The following DCC variants were observed in gnomAD, a reference collection of about 807,000 sequenced individuals.
DCC encodes the protein DCC netrin 1 receptor.
Under a neutral mutation model 172.5 loss-of-function variants are expected in DCC, and 58 were observed. That is an observed-to-expected ratio of 0.34 (90% CI 0.27 to 0.42). The LOEUF is 0.42. Ranked by LOEUF, DCC falls within the 10% of genes least tolerant of loss-of-function variation. The pLI is 1.00. For missense variants in DCC, 1,740 were observed against 1,791.0 expected (o/e 0.97, Z 0.51); for synonymous variants, 709 against 644.5 (o/e 1.10, Z -1.52).
intron 7 of DCC, among the ~76,000 whole-genome samples, chr18:53,148,275 G>A (rs1192424458): frequency 6.6e-6 from 1 of 152,122 alleles, no homozygotes; most frequent in Non-Finnish European, 1.5e-5. Context: ...CTGGGACAAA[G>A]CACCATATGG....
intron 7 of DCC, among the ~76,000 whole-genome samples, chr18:53,144,552 G>A (rs542681165): frequency 7.5e-4 from 114 of 152,034 alleles, no homozygotes; most frequent in Non-Finnish European, 1.3e-3. Flanking sequence ...AAACAGCATG[G>A]GAAAGACCCG....
chr18:52,476,293 T>C (rs547053597), intron 1 of DCC, among the ~76,000 whole-genome samples: 9 of 152,336 alleles, frequency 5.9e-5, no homozygotes, highest in African/African-American at 2.2e-4. Context: ...GAAGTTTTAT[T>C]TCAAATCACC....
At chr18:52,505,851 T>C (rs2031212443) in intron 1 of DCC, among the ~76,000 whole-genome samples, 1 of 152,220 alleles carries the variant, frequency 6.6e-6, no homozygotes, top group Non-Finnish European at 1.5e-5. Context: ...ATTGTTTTTT[T>C]CAAAGAAATT....
intron 7 of DCC, among the ~76,000 whole-genome samples, chr18:53,097,587 T>G (rs7238021): frequency 6.6e-6 from 1 of 152,012 alleles, no homozygotes; most frequent in Non-Finnish European, 1.5e-5. Flanking sequence ...TCAAAACGTA[T>G]CTGGTCTTTA....
chr18:52,705,932 T>C (rs2036202264), intron 1 of DCC, among the ~76,000 whole-genome samples: 2 of 152,336 alleles, frequency 1.3e-5, no homozygotes, highest in African/African-American at 4.8e-5. Context: ...ACATTTTATG[T>C]CTGTATGTTC....
intron 5 of DCC, among the ~76,000 whole-genome samples, chr18:53,039,034 G>A (rs988896863): frequency 1.3e-5 from 2 of 151,982 alleles, no homozygotes; most frequent in South Asian, 4.1e-4. Context: ...TGTTGAGGTC[G>A]CCAAACCCAG....
intron 1 of DCC, among the ~76,000 whole-genome samples, chr18:52,716,290 G>A (rs575676066): frequency 6.6e-6 from 1 of 152,312 alleles, no homozygotes; most frequent in East Asian, 1.9e-4. Flanking sequence ...ACAGAAAATC[G>A]CAGGATTGTT....
intron 2 of DCC, among the ~76,000 whole-genome samples, chr18:52,756,163 A>G (rs2037072758): frequency 6.6e-6 from 1 of 152,326 alleles, no homozygotes; most frequent in East Asian, 1.9e-4. Flanking sequence ...TTTTTATCCA[A>G]TTAGCTCTAA....
chr18:52,952,999 T>TAAAAA (rs2040678515), intron 5 of DCC, among the ~76,000 whole-genome samples: 1 of 10,164 alleles, frequency 9.8e-5, no homozygotes, highest in Non-Finnish European at 2.3e-4. Flanking sequence ...CTCTCCTGTC[T>TAAAAA]CAAAAAAAAA....
intron 1 of DCC, among the ~76,000 whole-genome samples, chr18:52,487,296 C>T (rs1030223983): frequency 2.0e-5 from 3 of 152,066 alleles, no homozygotes; most frequent in Non-Finnish European, 2.9e-5. Flanking sequence ...TAGAAGGGCT[C>T]AAAGTGTTGA....
chr18:53,108,683 A>T (rs199539194), intron 7 of DCC, among the ~76,000 whole-genome samples: 1 of 151,620 alleles, frequency 6.6e-6, no homozygotes, highest in Non-Finnish European at 1.5e-5. Flanking sequence ...ATGGAATCCC[A>T]CCATGTATAT....
At chr18:53,230,641 G>A (rs1239653537) in intron 12 of DCC, among the ~76,000 whole-genome samples, 1 of 151,970 alleles carries the variant, frequency 6.6e-6, no homozygotes, top group Non-Finnish European at 1.5e-5. Context: ...TGTCTAAATT[G>A]TAGTATAATA....
At chr18:52,651,342 G>T (rs2035127002) in intron 1 of DCC, among the ~76,000 whole-genome samples, 1 of 151,856 alleles carries the variant, frequency 6.6e-6, no homozygotes, top group South Asian at 2.1e-4. Context: ...CACCACACTT[G>T]GATTTCTAAA....
At chr18:52,992,986 A>T (rs956263066) in intron 5 of DCC, among the ~76,000 whole-genome samples, 1 of 86,318 alleles carries the variant, frequency 1.2e-5, no homozygotes, top group Admixed American at 1.3e-4. Context: ...CTCAAATTTA[A>T]AAAAAAAAAA....
At chr18:53,108,420 G>T (rs1212405753) in intron 7 of DCC, among the ~76,000 whole-genome samples, 1 of 151,766 alleles carries the variant, frequency 6.6e-6, no homozygotes, top group Non-Finnish European at 1.5e-5. Context: ...AATAGATTTT[G>T]TGAAAGGATT....
At chr18:53,503,245 C>A (rs760331012) in intron 27 of DCC, among the ~76,000 whole-genome samples, 2 of 152,140 alleles carry the variant, frequency 1.3e-5, no homozygotes, top group African/African-American at 4.8e-5. Flanking sequence ...ATTAGAAAGC[C>A]ATTCTGTTGT....
At position 52,694,712 on chromosome 18, in the gene DCC, A is replaced by T. The variant is rs367656568; in HGVS notation, c.92-57342A>T. Among the ~76,000 whole-genome samples, 55 of 152,212 alleles carry T rather than the reference A, an allele frequency of 3.6e-4. No homozygotes were observed. In the East Asian group the frequency reaches 8.0e-3, roughly 22 times the overall value. On this transcript the variant is annotated intron_variant, in intron 1 of 28. Transcript: ENST00000442544. Reference sequence around the variant, plus strand: ...AAGAGAGGGTAGAGCTGAGTAAGAGATGGGACTGGACTGTGGCTCTCAGGA... The same window carrying T: ...AAGAGAGGGTAGAGCTGAGTAAGAGTTGGGACTGGACTGTGGCTCTCAGGA...
chr18:52,927,241 ATGT>A (rs2040232622), intron 5 of DCC, among the ~76,000 whole-genome samples: 4 of 148,666 alleles, frequency 2.7e-5, no homozygotes, highest in African/African-American at 9.8e-5. Context: ...ATATACTTAT[ATGT>A]ACATATACAC....
chr18:53,154,771 A>T (rs2054701630), intron 7 of DCC, among the ~76,000 whole-genome samples: 1 of 152,192 alleles, frequency 6.6e-6, no homozygotes, highest in Non-Finnish European at 1.5e-5. Flanking sequence ...TGAGAGGACA[A>T]CTTGAATATC....
Sources: allele counts gnomAD v4.1 joint callset (sites outside exome capture counted in the v4.1 genomes callset), GRCh38; gene constraint gnomAD v4.1.1; transcripts MANE v1.5; gene names NCBI Gene and HGNC (gene_info 2026-07-23, HGNC 2026-07-21).